Variants in ARMC8 observed in about 807,000 individuals in gnomAD.
ARMC8 encodes armadillo repeat-containing protein 8.
ARMC8 carries 20 observed loss-of-function variants against 99.3 expected under a neutral mutation model. That is an observed-to-expected ratio of 0.20 (90% CI 0.14 to 0.29). ARMC8 has a LOEUF of 0.29. Ranked by LOEUF, ARMC8 falls within the 10% of genes least tolerant of loss-of-function variation. ARMC8 has a pLI of 1.00. For missense variants in ARMC8, 569 were observed against 809.5 expected, an observed-to-expected ratio of 0.70 and a Z score of 3.60; for synonymous variants, 263 against 278.3, an observed-to-expected ratio of 0.95 and a Z score of 0.55.
At chr3:138,230,870 G>A (rs2045993522) in intron 6 of ARMC8, among the ~76,000 whole-genome samples, 1 of 152,054 alleles carries the variant, frequency 6.6e-6, no homozygotes, top group Non-Finnish European at 1.5e-5. Flanking sequence ...TTCAACATAG[G>A]GATTGCTCAT....
chr3:138,292,263 C>T (rs1478786810), intron 21 of ARMC8, among the ~76,000 whole-genome samples: 1 of 152,228 alleles, frequency 6.6e-6, no homozygotes, highest in Non-Finnish European at 1.5e-5. Context: ...TGGTCTCAAA[C>T]TTCTGACCTC....
chr3:138,258,876 A>G (rs1273307592), intron 12 of ARMC8, among the ~76,000 whole-genome samples: 2 of 152,248 alleles, frequency 1.3e-5, no homozygotes, highest in African/African-American at 2.4e-5. Flanking sequence ...CTGAGGATTC[A>G]GTCTACTACA....
At chr3:138,283,538 T>C (rs1238316835) in intron 18 of ARMC8, among the ~76,000 whole-genome samples, 1 of 152,152 alleles carries the variant, frequency 6.6e-6, no homozygotes, top group Non-Finnish European at 1.5e-5. Flanking sequence ...GGGAGTGTGT[T>C]TTTTTTTCCT....
At chr3:138,256,021 T>C (rs1293165130) in intron 12 of ARMC8, among the ~76,000 whole-genome samples, 1 of 152,214 alleles carries the variant, frequency 6.6e-6, no homozygotes, top group Non-Finnish European at 1.5e-5. Context: ...TGGCTTTTAC[T>C]TTAAAATTCT....
intron 18 of ARMC8, among the ~76,000 whole-genome samples, chr3:138,277,139 T>G (rs2049373890): frequency 6.6e-6 from 1 of 152,092 alleles, no homozygotes; most frequent in Non-Finnish European, 1.5e-5. Flanking sequence ...ATATGGCCAG[T>G]AGATTATTGA....
At chr3:138,290,333 G>A (rs1420532877) in intron 20 of ARMC8, among the ~76,000 whole-genome samples, 1 of 152,150 alleles carries the variant, frequency 6.6e-6, no homozygotes, top group African/African-American at 2.4e-5. Flanking sequence ...ATAGACTGCA[G>A]GCAGGATGAT....
intron 12 of ARMC8, among the ~76,000 whole-genome samples, chr3:138,252,452 C>CTTTT (rs1169244202): frequency 2.3e-5 from 3 of 129,208 alleles, no homozygotes; most frequent in African/African-American, 8.8e-5. Flanking sequence ...ACCATAAACT[C>CTTTT]TTTTTTTTTT....
intron 21 of ARMC8, among the ~76,000 whole-genome samples, chr3:138,294,644 G>A (rs1460871400): frequency 1.3e-5 from 2 of 152,158 alleles, no homozygotes; most frequent in East Asian, 3.9e-4. Flanking sequence ...CTTGGTATTA[G>A]TTTGATCAGC....
At chr3:138,242,042 G>A in intron 11 of ARMC8, 59 bp downstream of exon 11, 1 of 1,473,370 alleles carries the variant, frequency 6.8e-7, no homozygotes. Context: ...TTTTCTTACT[G>A]TTCACAGTTT....
At chr3:138,271,688 C>T (rs1457946661) in intron 16 of ARMC8, among the ~76,000 whole-genome samples, 1 of 152,074 alleles carries the variant, frequency 6.6e-6, no homozygotes, top group African/African-American at 2.4e-5. Context: ...TGCTGCCTCA[C>T]ATTATTATGT....
intron 20 of ARMC8, among the ~76,000 whole-genome samples, chr3:138,290,167 T>A (rs573177865): frequency 3.3e-5 from 5 of 151,174 alleles, no homozygotes; most frequent in South Asian, 2.1e-4. Flanking sequence ...CTGCTTAGAG[T>A]AGTAAGAGCC....
intron 21 of ARMC8, 93 bp downstream of exon 21, chr3:138,290,732 T>C: frequency 1.3e-6 from 1 of 788,214 alleles, no homozygotes; most frequent in South Asian, 1.8e-5. Context: ...GCCATACTTT[T>C]TAAAATCTTT....
At chr3:138,264,834 A>C (rs2048118691) in intron 14 of ARMC8, among the ~76,000 whole-genome samples, 1 of 148,966 alleles carries the variant, frequency 6.7e-6, no homozygotes. Context: ...GGTTCTGAAA[A>C]GCAAAGGAAT....
In ARMC8 at chr3:138,295,964, G is replaced by C. The variant is rs376730682; in HGVS notation, c.*72G>C. 1.4e-5 allele frequency: 21 copies of C among 1,536,044 alleles called. No homozygotes were observed. In the African/African-American group the frequency reaches 2.5e-4, roughly 18 times the overall value. On this transcript the variant is annotated 3_prime_UTR_variant, in exon 22 of 22. Coordinates refer to ENST00000469044, the MANE Select transcript of ARMC8 (RefSeq NM_001363941.2). ...GGAAGTACAGGAACCAGCCTCATTT[G>C]ATTCCTTCTATTTGCACAAGTCACC...
chr3:138,278,243 C>T (rs1169322799), intron 18 of ARMC8, among the ~76,000 whole-genome samples: 1 of 152,068 alleles, frequency 6.6e-6, no homozygotes, highest in African/African-American at 2.4e-5. Context: ...CACGGTGGCT[C>T]ACACCGTGAT....
chr3:138,295,027 T>C (rs1273384220), intron 21 of ARMC8, among the ~76,000 whole-genome samples: 1 of 151,840 alleles, frequency 6.6e-6, no homozygotes, highest in African/African-American at 2.4e-5. Flanking sequence ...GCCTCCGAAG[T>C]GGTTGGGATT....
intron 12 of ARMC8, chr3:138,262,724 ACCAAGG>A (rs1345830947): frequency 1.1e-6 from 1 of 886,854 alleles, no homozygotes; most frequent in Non-Finnish European, 1.6e-6. Flanking sequence ...TGCAAGGACA[ACCAAGG>A]TTAAGATCTA....
At chr3:138,273,226 T>G in intron 17 of ARMC8, 110 bp downstream of exon 17, 1 of 1,139,934 alleles carries the variant, frequency 8.8e-7, no homozygotes, top group Non-Finnish European at 1.2e-6. Context: ...GTGATTCAAA[T>G]GCTGCCCCCT....
At chr3:138,187,649 CG>C in intron 1 of ARMC8, 50 bp downstream of exon 1, 2 of 1,525,578 alleles carry the variant, frequency 1.3e-6, no homozygotes, top group Non-Finnish European at 1.8e-6. Flanking sequence ...AGCCTCATCC[CG>C]GTCTCCACCA....
Sources: allele counts gnomAD v4.1 joint callset (sites outside exome capture counted in the v4.1 genomes callset), GRCh38; gene constraint gnomAD v4.1.1; transcripts MANE v1.5; gene names NCBI Gene and HGNC (gene_info 2026-07-23, HGNC 2026-07-21).